Variants in RBFOX1 observed in about 807,000 individuals in gnomAD.
RBFOX1 encodes the protein RNA binding protein fox-1 homolog 1.
Under a neutral mutation model 57.7 loss-of-function variants are expected in RBFOX1, and 8 were observed. That is an observed-to-expected ratio of 0.14 (90% CI 0.08 to 0.25). The LOEUF is 0.25. Ranked by LOEUF, RBFOX1 falls within the 10% of genes least tolerant of loss-of-function variation. RBFOX1 has a pLI of 1.00. For synonymous variants in RBFOX1, 326 were observed against 222.4 expected (o/e 1.47, Z -4.15); for missense variants, 611 against 548.5 (o/e 1.11, Z -1.14).
chr16:6,623,593 C>G (rs929691480), intron 2 of RBFOX1, among the ~76,000 whole-genome samples: 1 of 152,034 alleles, frequency 6.6e-6, no homozygotes, highest in African/African-American at 2.4e-5. Context: ...ATCCCTCCCC[C>G]TGCCCCACAC....
At chr16:5,244,610 A>G (rs75761443) in intron 1 of RBFOX1, among the ~76,000 whole-genome samples, 2,224 of 152,296 alleles carry the variant, frequency 0.015, 65 homozygotes, top group African/African-American at 0.05. Context: ...CCCTGGCAAC[A>G]ATCTTTGAAG....
intron 1 of RBFOX1, among the ~76,000 whole-genome samples, chr16:5,354,165 C>A (rs185574161): frequency 4.6e-5 from 7 of 152,218 alleles, no homozygotes; most frequent in African/African-American, 1.7e-4. Flanking sequence ...TTGAGCCAGG[C>A]AGGTGCACTT....
At chr16:6,873,959 C>T (rs1477216742) in intron 3 of RBFOX1, 1 of 152,010 alleles carries the variant, frequency 6.6e-6, no homozygotes, top group Non-Finnish European at 1.5e-5. Context: ...TTAGCGTGAC[C>T]CCTGCACAAC....
intron 4 of RBFOX1, among the ~76,000 whole-genome samples, chr16:7,359,990 A>G (rs1359884089): frequency 6.6e-6 from 1 of 151,844 alleles, no homozygotes; most frequent in African/African-American, 2.4e-5. Context: ...TCTCAAAAAA[A>G]AACAAAAAAC....
intron 1 of RBFOX1, among the ~76,000 whole-genome samples, chr16:5,447,538 C>T (rs564817765): frequency 1.3e-5 from 2 of 152,288 alleles, no homozygotes; most frequent in African/African-American, 4.8e-5. Flanking sequence ...GCTGGGATTA[C>T]AGGCACCCGC....
In RBFOX1 at chr16:5,322,094, T is replaced by C. The variant is rs115500863; in HGVS notation, c.219+81989T>C. On this transcript the variant is annotated intron_variant, in intron 1 of 2. Transcript: ENST00000585867. ...AGGCCTCAAAAATATAACCGGGACCTGAACCCTGACGCATCTGATTCCAAA... is the reference window on the plus strand; with the variant it reads ...AGGCCTCAAAAATATAACCGGGACCCGAACCCTGACGCATCTGATTCCAAA... 8.0e-3 allele frequency among the ~76,000 whole-genome samples: 1,223 copies of C among 152,288 alleles called. 18 individuals carry two copies. Among genetic ancestry groups the C allele is most frequent in the African/African-American group, 0.028 (1,163 of 41,540 alleles).
intron 5 of RBFOX1, among the ~76,000 whole-genome samples, chr16:7,573,296 G>A (rs2092983326): frequency 6.6e-6 from 1 of 152,158 alleles, no homozygotes; most frequent in Admixed American, 6.5e-5. Context: ...AGCAGGCAAA[G>A]TGGGAGGCAG....
chr16:5,968,510 C>G (rs1299216133), intron 4 of RBFOX1, among the ~76,000 whole-genome samples: 1 of 152,130 alleles, frequency 6.6e-6, no homozygotes, highest in East Asian at 1.9e-4. Context: ...TTATTTAAGT[C>G]TCTTAAATAT....
intron 4 of RBFOX1, among the ~76,000 whole-genome samples, chr16:7,123,648 A>G (rs1347497803): frequency 6.6e-6 from 1 of 152,148 alleles, no homozygotes. Context: ...TGGAGGAGTG[A>G]GCCACCCCAC....
At chr16:6,966,825 ATCTGTC>A (rs1262154786) in intron 3 of RBFOX1, among the ~76,000 whole-genome samples, 2 of 149,730 alleles carry the variant, frequency 1.3e-5, no homozygotes, top group African/African-American at 5.0e-5. Context: ...CTGTCTATCT[ATCTGTC>A]TATCTATCTA....
intron 2 of RBFOX1, among the ~76,000 whole-genome samples, chr16:6,586,834 T>C (rs1033208147): frequency 2.6e-5 from 4 of 152,206 alleles, no homozygotes; most frequent in African/African-American, 7.2e-5. Flanking sequence ...CACGTAATTA[T>C]AGGAGAAAGG....
At chr16:5,791,035 A>T (rs1239066564) in intron 3 of RBFOX1, among the ~76,000 whole-genome samples, 1 of 151,746 alleles carries the variant, frequency 6.6e-6, no homozygotes, top group Non-Finnish European at 1.5e-5. Flanking sequence ...CACCTGGCAA[A>T]TTTTTATATT....
intron 2 of RBFOX1, among the ~76,000 whole-genome samples, chr16:5,596,974 C>A (rs1414756162): frequency 6.6e-6 from 1 of 152,164 alleles, no homozygotes; most frequent in African/African-American, 2.4e-5. Context: ...TTTTTGATTT[C>A]TTGGTCACCA....
intron 2 of RBFOX1, among the ~76,000 whole-genome samples, chr16:5,597,012 A>G (rs1397528502): frequency 6.6e-6 from 1 of 152,178 alleles, no homozygotes; most frequent in African/African-American, 2.4e-5. Flanking sequence ...TGTCTACTAG[A>G]AAACTGCAAA....
At position 5,534,237 on chromosome 16, in the gene RBFOX1, C is replaced by G. The variant is rs139310259; in HGVS notation, c.259-64665C>G. 2.6e-5 allele frequency among the ~76,000 whole-genome samples: 4 copies of G among 152,174 alleles called. No individual in the cohort carries two copies. In the East Asian group the frequency reaches 7.7e-4, roughly 29 times the overall value. On this transcript the variant is annotated intron_variant, in intron 2 of 2. Transcript: ENST00000585867. ...GTGGGTGTTGGGATTTGTCATCTAC[C>G]AAGTCATATACTGTATTAGAGTTCT...
chr16:7,462,636 T>G (rs2059789374), intron 4 of RBFOX1, among the ~76,000 whole-genome samples: 1 of 152,228 alleles, frequency 6.6e-6, no homozygotes, highest in Admixed American at 6.5e-5. Flanking sequence ...GGGCTTTGTT[T>G]CTTACTAGGG....
chr16:5,475,847 C>T (rs774210540), intron 2 of RBFOX1, among the ~76,000 whole-genome samples: 13 of 152,052 alleles, frequency 8.5e-5, no homozygotes, highest in East Asian at 3.9e-4. Context: ...TTATCCAGGC[C>T]GAAGTGCAAG....
chr16:7,172,361 A>G (rs2080866686), intron 4 of RBFOX1, among the ~76,000 whole-genome samples: 1 of 152,174 alleles, frequency 6.6e-6, no homozygotes. Context: ...TAAAGTATAT[A>G]ATAAAAGTAA....
intron 4 of RBFOX1, among the ~76,000 whole-genome samples, chr16:7,513,365 C>T (rs1350040260): frequency 1.3e-5 from 2 of 152,194 alleles, no homozygotes; most frequent in African/African-American, 4.8e-5. Flanking sequence ...TGGTTTAACT[C>T]TTGGCTTCCC....
Sources: allele counts gnomAD v4.1 joint callset (sites outside exome capture counted in the v4.1 genomes callset), GRCh38; gene constraint gnomAD v4.1.1; transcripts MANE v1.5; gene names NCBI Gene and HGNC (gene_info 2026-07-23, HGNC 2026-07-21).